VAV2: variants seen among roughly 807,000 people sequenced by gnomAD.
The protein encoded by VAV2 is guanine nucleotide exchange factor VAV2.
A neutral mutation model predicts 132.5 loss-of-function variants in VAV2; 67 were observed. That is an observed-to-expected ratio of 0.51 (90% CI 0.42 to 0.62). The LOEUF (loss-of-function observed/expected upper bound fraction) is 0.62. Among genes scored for constraint, VAV2 ranks in the 20% least tolerant of loss-of-function variants. The probability of loss-of-function intolerance (pLI) is 0.00; values close to 1 mark genes in which losing one functional copy is unlikely to be tolerated. For synonymous variants in VAV2, 492 were observed against 443.5 expected (o/e 1.11, Z -1.37); for missense variants, 938 against 1,153.6 (o/e 0.81, Z 2.71).
intron 4 of VAV2, among the ~76,000 whole-genome samples, chr9:133,816,712 G>A (rs548208570): frequency 2.6e-5 from 4 of 152,312 alleles, no homozygotes; most frequent in Admixed American, 2.6e-4. Flanking sequence ...CAACCTGGGC[G>A]ACAGAGTGAG....
rs1317460055 is a variant in VAV2, at chr9:133,961,434, G to A, written c.205-22215C>T. 1.3e-5 allele frequency among the ~76,000 whole-genome samples: 2 copies of A among 152,192 alleles called. No individual in the cohort carries two copies. Among genetic ancestry groups the A allele is most frequent in the Admixed American group, 6.5e-5 (1 of 15,288 alleles). ...ACGGAGGTTGGGAACACCAGCATCTGGGGCTGCAGACCAGAGGGCCCTGGA... is the reference window on the plus strand; with the variant it reads ...ACGGAGGTTGGGAACACCAGCATCTAGGGCTGCAGACCAGAGGGCCCTGGA... On this transcript the variant is annotated intron_variant, in intron 1 of 29. Coordinates refer to ENST00000371850, the MANE Select transcript of VAV2 (RefSeq NM_001134398.2). This position sits in a 1 kb window ranked among gnomAD's most constrained non-coding sequence, Gnocchi z 4.1.
In VAV2 at chr9:133,788,582, G is replaced by A. The variant is rs1834328811; in HGVS notation, c.1275-96C>T. 1.4e-5 allele frequency: 21 copies of A among 1,519,138 alleles called. No homozygotes were observed. In the South Asian group the frequency reaches 2.4e-4, roughly 18 times the overall value. The allele number at this position is 1,519,138 out of a possible 1,614,324, so 94.1% of individuals were successfully genotyped here. On this transcript the variant is annotated intron_variant, in intron 14 of 29. Coordinates refer to ENST00000371850, the MANE Select transcript of VAV2 (RefSeq NM_001134398.2). The surrounding 1 kb of genome is among the most constrained non-coding windows in gnomAD (Gnocchi z 5.3). ...GCTGAGCCTGAGGCTCTGGCACGCG[G>A]CTCCCTCTCCGGGCGAGCCCTGCCC...
chr9:133,800,366 G>A (rs960455020), intron 9 of VAV2, among the ~76,000 whole-genome samples: 3 of 152,212 alleles, frequency 2.0e-5, no homozygotes, highest in Non-Finnish European at 4.4e-5. Flanking sequence ...TCCCAAGACC[G>A]CCTGGAGGCG....
intron 2 of VAV2, among the ~76,000 whole-genome samples, chr9:133,920,637 G>A (rs1840264143): frequency 6.6e-6 from 1 of 152,134 alleles, no homozygotes; most frequent in South Asian, 2.1e-4. Context: ...GACCCATCCA[G>A]GACCAGGTCC....
rs142496272 is a variant in VAV2 at position 133,852,076 on chromosome 9, C to T, written c.380+9298G>A. Among the ~76,000 whole-genome samples the T allele has an allele frequency of 9.0e-3, 1,366 of 151,614 alleles. 18 individuals carry two copies. The highest frequency in any genetic ancestry group is 0.031 in the African/African-American group (1,282 of 41,290). On this transcript the variant is annotated intron_variant, in intron 3 of 29. Transcript: ENST00000371850. ...GATGGATGGATAAATGAGTGACAGA[C>T]GGGCTGATGAGTGGACAGATGGACA...
At chr9:133,982,480 G>A (rs796579906) in intron 1 of VAV2, among the ~76,000 whole-genome samples, 7 of 151,624 alleles carry the variant, frequency 4.6e-5, no homozygotes, top group African/African-American at 1.7e-4. Context: ...GAGGCCCCAA[G>A]AGGGGGCCTA....
In VAV2 at chr9:133,821,801, C is replaced by T. The variant is rs185300162; in HGVS notation, c.450-9585G>A. Among the ~76,000 whole-genome samples, 4 of 152,302 alleles carry T rather than the reference C, an allele frequency of 2.6e-5. No homozygotes were observed. The East Asian group carries it at 7.7e-4, about 29-fold the overall frequency. On this transcript the variant is annotated intron_variant, in intron 4 of 29. Coordinates refer to ENST00000371850, the MANE Select transcript of VAV2 (RefSeq NM_001134398.2). The stretch of plus-strand genomic sequence containing the variant: ...AGATGGCCAGGCAGGAATGTGGAAG[C>T]CCAGACGTGAATGGGCCTCCACGGC...
intron 23 of VAV2, 96 bp downstream of exon 23, chr9:133,777,293 T>C: frequency 7.4e-7 from 1 of 1,350,130 alleles, no homozygotes; most frequent in East Asian, 2.3e-5. Flanking sequence ...AAGGATGTCC[T>C]GAACAAGCCA....
chr9:133,953,884 T>C (rs1157052250), intron 1 of VAV2, among the ~76,000 whole-genome samples: 2 of 152,070 alleles, frequency 1.3e-5, no homozygotes, highest in Non-Finnish European at 2.9e-5. Flanking sequence ...TGGGCCTCCA[T>C]CCCTAGGTGT....
chr9:133,822,056 T>A (rs936204826), intron 4 of VAV2, among the ~76,000 whole-genome samples: 1 of 152,094 alleles, frequency 6.6e-6, no homozygotes, highest in African/African-American at 2.4e-5. Context: ...CACCTTCACC[T>A]TCTGCCCGAG....
At chr9:133,964,948 C>A (rs1564508670) in intron 1 of VAV2, among the ~76,000 whole-genome samples, 1 of 152,048 alleles carries the variant, frequency 6.6e-6, no homozygotes, top group Admixed American at 6.6e-5. Flanking sequence ...TCTTATTCAA[C>A]GTAGTACTAG....
Position 133,879,885 on chromosome 9 carries a change from G to A in VAV2, c.322-18453C>T, listed in dbSNP as rs1215693973. On this transcript the variant is annotated intron_variant, in intron 2 of 29. Transcript: ENST00000371850. The surrounding 1 kb of genome is among the most constrained non-coding windows in gnomAD (Gnocchi z 4.4). Reference sequence around the variant, plus strand: ...CTGGCATCCAGATTTGCTTCCAAGCGGTTTTACCTTGATGACTGCTTAATC... The same window carrying A: ...CTGGCATCCAGATTTGCTTCCAAGCAGTTTTACCTTGATGACTGCTTAATC... Among the ~76,000 whole-genome samples the A allele has an allele frequency of 2.0e-5, 3 of 152,214 alleles. No homozygotes were observed. Among genetic ancestry groups the A allele is most frequent in the South Asian group, 2.1e-4 (1 of 4,832 alleles).
At chr9:133,950,356 A>G (rs1841516197) in intron 1 of VAV2, among the ~76,000 whole-genome samples, 1 of 152,094 alleles carries the variant, frequency 6.6e-6, no homozygotes, top group Admixed American at 6.5e-5. Context: ...CCACAGTCAG[A>G]CACCGAATAA....
At chr9:133,927,621 C>T (rs1436764078) in intron 2 of VAV2, among the ~76,000 whole-genome samples, 1 of 152,186 alleles carries the variant, frequency 6.6e-6, no homozygotes, top group African/African-American at 2.4e-5. Context: ...GCCTTTCTGT[C>T]TGGAGTTGGC....
rs182342868 is a variant in VAV2, at chr9:133,817,017, T to A, written c.450-4801A>T. 3.5e-3 allele frequency among the ~76,000 whole-genome samples: 527 copies of A among 152,362 alleles called. 4 individuals are homozygous for A. Among genetic ancestry groups the A allele is most frequent in the African/African-American group, 0.012 (489 of 41,580 alleles). ...TTTACAACCGTCTTGTCAATTTTTT[T>A]AAAAATGTCTGCTGGGATCATGGTA... On this transcript the variant is annotated intron_variant, in intron 4 of 29. Coordinates refer to ENST00000371850, the MANE Select transcript of VAV2 (RefSeq NM_001134398.2).
intron 4 of VAV2, among the ~76,000 whole-genome samples, chr9:133,825,735 C>G (rs2428094): frequency 6.6e-6 from 1 of 152,158 alleles, no homozygotes; most frequent in Non-Finnish European, 1.5e-5. Flanking sequence ...TCCTTGTACC[C>G]CTGCAGACAA....
chr9:133,855,651 G>A (rs748328498), intron 3 of VAV2, among the ~76,000 whole-genome samples: 10 of 152,172 alleles, frequency 6.6e-5, no homozygotes, highest in African/African-American at 9.7e-5. Context: ...AGCTCCCCCC[G>A]CACATGGGAA....
intron 1 of VAV2, among the ~76,000 whole-genome samples, chr9:133,985,266 GTGTGTGTGT>G (rs1842822384): frequency 7.0e-6 from 1 of 142,766 alleles, no homozygotes; most frequent in East Asian, 2.0e-4. Context: ...GTGTGTGTGT[GTGTGTGTGT>G]TTTGTTTTTG....
intron 19 of VAV2, among the ~76,000 whole-genome samples, 176 bp downstream of exon 19, chr9:133,783,327 A>AGT (rs1407768205): frequency 6.6e-6 from 1 of 152,116 alleles, no homozygotes; most frequent in Non-Finnish European, 1.5e-5. Flanking sequence ...TCTCCTGTTA[A>AGT]GTGTGTGACG....
Sources: gnomAD v4.1 joint callset for allele counts (sites outside exome capture counted in the v4.1 genomes callset) on GRCh38, gnomAD v4.1.1 for gene constraint, Gnocchi (gnomAD v3.1) non-coding constraint, MANE v1.5 for transcripts, NCBI Gene and HGNC (gene_info 2026-07-23, HGNC 2026-07-21) for gene names.